NEDD4L: variants seen among roughly 807,000 people sequenced by gnomAD.
NEDD4L encodes NEDD4 like E3 ubiquitin protein ligase, also known as E3 ubiquitin-protein ligase NEDD4-like.
Under a neutral mutation model 148.9 loss-of-function variants are expected in NEDD4L, and 54 were observed. The observed-to-expected ratio is 0.36, with a 90% CI of 0.29 to 0.45. The LOEUF is 0.45. NEDD4L is among the 20% of genes least tolerant of loss of function. The probability of loss-of-function intolerance (pLI) is 1.00; values close to 1 mark genes in which losing one functional copy is unlikely to be tolerated. For missense variants in NEDD4L, 856 were observed against 1,233.8 expected, an observed-to-expected ratio of 0.69 and a Z score of 4.59; for synonymous variants, 433 against 440.7, an observed-to-expected ratio of 0.98 and a Z score of 0.22.
chr18:58,174,593 T>C (rs2037901232), intron 2 of NEDD4L, among the ~76,000 whole-genome samples: 2 of 152,206 alleles, frequency 1.3e-5, no homozygotes, highest in Admixed American at 1.3e-4. Context: ...ACATGTTCTT[T>C]TCCCCATGTT....
chr18:58,098,312 T>G (rs1367914985), intron 1 of NEDD4L, among the ~76,000 whole-genome samples: 1 of 152,118 alleles, frequency 6.6e-6, no homozygotes, highest in Non-Finnish European at 1.5e-5. Context: ...GTCACCCTCT[T>G]CAGGCCCCAC....
chr18:58,153,716 G>A (rs2035093191), intron 1 of NEDD4L, among the ~76,000 whole-genome samples: 1 of 151,636 alleles, frequency 6.6e-6, no homozygotes, highest in African/African-American at 2.4e-5. Context: ...GCGCAATCTC[G>A]GCTCACTGCA....
intron 5 of NEDD4L, among the ~76,000 whole-genome samples, chr18:58,267,327 A>G (rs1347379790): frequency 1.3e-5 from 2 of 152,032 alleles, no homozygotes; most frequent in African/African-American, 4.8e-5. Flanking sequence ...AAGATCATGT[A>G]CTCTAAAACC....
At chr18:58,381,874 C>T (rs551190618) in intron 24 of NEDD4L, among the ~76,000 whole-genome samples, 100 of 152,272 alleles carry the variant, frequency 6.6e-4, no homozygotes, top group Non-Finnish European at 1.3e-3. Flanking sequence ...CCATCCCCAA[C>T]ACGGCCTGTA....
intron 5 of NEDD4L, among the ~76,000 whole-genome samples, chr18:58,291,522 T>C (rs1042447978): frequency 6.6e-6 from 1 of 152,248 alleles, no homozygotes; most frequent in African/African-American, 2.4e-5. Context: ...TCTGTGTCAG[T>C]TGGCTGTTTT....
Position 58,343,031 on chromosome 18 carries a change from C to A in NEDD4L, c.1503C>A (p.Pro501=). 1 of 1,613,520 alleles carries A rather than the reference C, an allele frequency of 6.2e-7. No individual in the cohort carries two copies. The highest frequency in any genetic ancestry group is 8.5e-7 in the Non-Finnish European group (1 of 1,179,666). The change falls in exon 16 of 31, where the codon CCC becomes CCA. Residue 501 remains proline (P), a synonymous_variant. Transcript: ENST00000400345. ...AAGTCACACAGAGCTTCTTGCCACC[C>A]GGCTGGGAAATGAGGATAGCGCCAA... The part of the protein sequence containing the change: ...QHKVTQSFLP[P]GWEMRIAPNG...
chr18:58,131,194 G>C (rs1033221998), intron 1 of NEDD4L, among the ~76,000 whole-genome samples: 3 of 151,480 alleles, frequency 2.0e-5, no homozygotes, highest in Non-Finnish European at 2.9e-5. Flanking sequence ...GGATTTGGTT[G>C]GTTGTGATCT....
At chr18:58,106,587 A>T (rs1294127127) in intron 1 of NEDD4L, among the ~76,000 whole-genome samples, 1 of 152,120 alleles carries the variant, frequency 6.6e-6, no homozygotes, top group Non-Finnish European at 1.5e-5. Context: ...CTCTTTTGTC[A>T]TCTGTTAAAG....
intron 2 of NEDD4L, among the ~76,000 whole-genome samples, chr18:58,190,726 T>C (rs1255843317): frequency 1.3e-5 from 2 of 152,226 alleles, no homozygotes; most frequent in Admixed American, 1.3e-4. Flanking sequence ...GATTTAGATA[T>C]TAAAGTTACC....
intron 1 of NEDD4L, among the ~76,000 whole-genome samples, chr18:58,097,648 A>T (rs2084500450): frequency 1.3e-5 from 2 of 152,190 alleles, no homozygotes; most frequent in South Asian, 4.1e-4. Flanking sequence ...AGATATACAG[A>T]TGGAGTGGGA....
chr18:58,130,123 A>G (rs2031833641), intron 1 of NEDD4L, among the ~76,000 whole-genome samples: 1 of 142,652 alleles, frequency 7.0e-6, no homozygotes, highest in Non-Finnish European at 1.5e-5. Flanking sequence ...GTTGACTGTG[A>G]TCTAGCGGAA....
chr18:58,193,611 G>A (rs981486337), intron 2 of NEDD4L, among the ~76,000 whole-genome samples: 7 of 152,172 alleles, frequency 4.6e-5, no homozygotes, highest in Non-Finnish European at 1.0e-4. Context: ...ACGTCATCTG[G>A]TAAATATTCC....
chr18:58,330,052 G>A (rs1415492242), intron 10 of NEDD4L, among the ~76,000 whole-genome samples: 1 of 152,030 alleles, frequency 6.6e-6, no homozygotes, highest in African/African-American at 2.4e-5. Context: ...AATAGTTATG[G>A]TATGTTACTT....
intron 1 of NEDD4L, among the ~76,000 whole-genome samples, chr18:58,071,878 G>T (rs545350963): frequency 9.9e-5 from 15 of 152,196 alleles, no homozygotes; most frequent in Non-Finnish European, 1.9e-4. Flanking sequence ...TCAGTACCAT[G>T]AGAACAGTAT....
chr18:58,244,567 G>A lies in NEDD4L; in HGVS notation c.123-860G>A, dbSNP rs72949089. ...ACAAGGAATTCTGGGACTTGTAGTC[G>A]AGAAACCTGAACTTTAATCTAGACT... is the stretch of plus-strand genomic sequence containing the variant. On this transcript the variant is annotated intron_variant, in intron 2 of 30. Coordinates refer to ENST00000400345, the MANE Select transcript of NEDD4L (RefSeq NM_001144967.3). Among the ~76,000 whole-genome samples, 266 of 152,314 alleles carry A rather than the reference G, an allele frequency of 1.7e-3. 1 individual carries two copies. Among genetic ancestry groups the A allele is most frequent in the Middle Eastern group, 6.8e-3 (2 of 294 alleles).
chr18:58,255,983 G>C (rs971559371), intron 5 of NEDD4L: 4 of 1,230,752 alleles, frequency 3.3e-6, no homozygotes, highest in East Asian at 3.2e-5. Context: ...GGGCGCCGAC[G>C]ATGGGCCTCC....
rs1301272133 is a variant in NEDD4L at position 58,256,317 on chromosome 18, C to T, written c.297+4263C>T. The T allele has an allele frequency of 8.1e-7, 1 of 1,231,792 alleles. No homozygotes were observed. Among genetic ancestry groups the T allele is most frequent in the African/African-American group, 1.6e-5 (1 of 64,418 alleles). The allele number at this position is 1,231,792 out of a possible 1,614,324, so 76.3% of individuals were successfully genotyped here. On this transcript the variant is annotated intron_variant, in intron 5 of 30. Transcript: ENST00000400345. The surrounding 1 kb of genome is among the most constrained non-coding windows in gnomAD (Gnocchi z 5.2). ...GCCGCGGCAGAGCCCAGGCGCTGGT[C>T]CCTGCAGCACGTTCCAGATGCTTCT... is the stretch of plus-strand genomic sequence containing the variant.
chr18:58,279,362 A>G (rs1381982871), intron 5 of NEDD4L, among the ~76,000 whole-genome samples: 2 of 152,192 alleles, frequency 1.3e-5, no homozygotes, highest in Non-Finnish European at 2.9e-5. Flanking sequence ...GATAAAAGCT[A>G]TGGATTCTCA....
At chr18:58,044,901 G>C (rs927166592) in intron 1 of NEDD4L, among the ~76,000 whole-genome samples, 193 bp downstream of exon 1, 4 of 152,220 alleles carry the variant, frequency 2.6e-5, no homozygotes, top group Admixed American at 2.0e-4. Context: ...CGCAAGCCGA[G>C]CTCATTGTTT....
Sources: gnomAD v4.1 joint callset for allele counts (sites outside exome capture counted in the v4.1 genomes callset) on GRCh38, gnomAD v4.1.1 for gene constraint, Gnocchi (gnomAD v3.1) non-coding constraint, MANE v1.5 for transcripts, NCBI Gene and HGNC (gene_info 2026-07-23, HGNC 2026-07-21) for gene names.